Variants in KCNB2 observed in about 807,000 individuals in gnomAD.
KCNB2 encodes potassium voltage-gated channel subfamily B member 2.
Under a neutral mutation model 61.5 loss-of-function variants are expected in KCNB2, and 15 were observed. That is an observed-to-expected ratio of 0.24 (90% CI 0.16 to 0.38). The LOEUF is 0.38. KCNB2 is among the 10% of genes least tolerant of loss of function. The pLI is 1.00. For missense variants in KCNB2, 828 were observed against 1,125.2 expected (o/e 0.74, Z 3.78); for synonymous variants, 457 against 446.0 (o/e 1.02, Z -0.31).
intron 1 of KCNB2, among the ~76,000 whole-genome samples, chr8:72,561,691 T>TTTTTTA (rs1554576093): frequency 5.2e-5 from 1 of 19,406 alleles, no homozygotes; most frequent in Admixed American, 8.8e-4. Flanking sequence ...GATCTTACTT[T>TTTTTTA]TATATATATA....
At chr8:72,835,243 C>T (rs1022930197) in intron 2 of KCNB2, among the ~76,000 whole-genome samples, 3 of 152,146 alleles carry the variant, frequency 2.0e-5, no homozygotes, top group African/African-American at 7.2e-5. Context: ...ATTTCATCTA[C>T]AAATAATGAT....
chr8:72,800,884 C>T (rs1416277164), intron 2 of KCNB2, among the ~76,000 whole-genome samples: 1 of 152,090 alleles, frequency 6.6e-6, no homozygotes, highest in Non-Finnish European at 1.5e-5. Flanking sequence ...AGAAGAATAC[C>T]AACTAAGTTA....
chr8:72,843,723 T>C (rs1809936037), intron 2 of KCNB2, among the ~76,000 whole-genome samples: 1 of 152,182 alleles, frequency 6.6e-6, no homozygotes, highest in South Asian at 2.1e-4. Flanking sequence ...TCTTTGTTGG[T>C]TTAATGTCTG....
At chr8:72,613,879 A>T (rs973627075) in intron 2 of KCNB2, among the ~76,000 whole-genome samples, 1 of 152,170 alleles carries the variant, frequency 6.6e-6, no homozygotes, top group African/African-American at 2.4e-5. Context: ...GAATTTCTTG[A>T]GCTCTTGCAG....
intron 2 of KCNB2, among the ~76,000 whole-genome samples, chr8:72,703,140 T>A (rs1437091937): frequency 6.6e-6 from 1 of 152,232 alleles, no homozygotes; most frequent in African/African-American, 2.4e-5. Context: ...AAAGGCCTTT[T>A]CTTTTCCTAG....
At chr8:72,885,167 T>G (rs1805782256) in intron 2 of KCNB2, among the ~76,000 whole-genome samples, 1 of 152,124 alleles carries the variant, frequency 6.6e-6, no homozygotes, top group Non-Finnish European at 1.5e-5. Flanking sequence ...AATATTAAAC[T>G]ATGCTTGCAT....
intron 2 of KCNB2, among the ~76,000 whole-genome samples, chr8:72,569,559 C>T (rs959880798): frequency 6.6e-6 from 1 of 152,024 alleles, no homozygotes; most frequent in African/African-American, 2.4e-5. Flanking sequence ...CAAAGAAATG[C>T]ATATTTCGTG....
chr8:72,728,670 A>T (rs1377770135), intron 2 of KCNB2, among the ~76,000 whole-genome samples: 1 of 152,154 alleles, frequency 6.6e-6, no homozygotes, highest in Non-Finnish European at 1.5e-5. Flanking sequence ...GCTGCACCTA[A>T]ATTAATAATT....
intron 1 of KCNB2, among the ~76,000 whole-genome samples, chr8:72,553,028 A>G (rs1358236921): frequency 6.6e-6 from 1 of 151,984 alleles, no homozygotes; most frequent in Non-Finnish European, 1.5e-5. Flanking sequence ...GCTTATTTCT[A>G]TAAGCTGTTT....
At chr8:72,760,844 C>T (rs1808366309) in intron 2 of KCNB2, among the ~76,000 whole-genome samples, 1 of 152,068 alleles carries the variant, frequency 6.6e-6, no homozygotes. Flanking sequence ...TTGGGGAGAA[C>T]AGTAATTTCC....
At chr8:72,597,583 A>G (rs566297153) in intron 2 of KCNB2, among the ~76,000 whole-genome samples, 2 of 152,346 alleles carry the variant, frequency 1.3e-5, no homozygotes, top group South Asian at 2.1e-4. Flanking sequence ...CTTCAAATCT[A>G]TCCCAACTTC....
rs541561240 is a variant in KCNB2 at position 72,588,914 on chromosome 8, A to C, written c.579+20601A>C. The stretch of plus-strand genomic sequence containing the variant: ...CCATCTCAAAAACAAGAACAACAAC[A>C]AAGCAACAAAAAAAGAAACATGCCC... On this transcript the variant is annotated intron_variant, in intron 2 of 2. Coordinates refer to ENST00000523207, the MANE Select transcript of KCNB2 (RefSeq NM_004770.3). 7.2e-5 allele frequency among the ~76,000 whole-genome samples: 11 copies of C among 152,150 alleles called. No homozygotes were observed. In the East Asian group the frequency reaches 1.7e-3, roughly 24 times the overall value.
At chr8:72,893,228 C>T (rs1462547533) in intron 2 of KCNB2, among the ~76,000 whole-genome samples, 1 of 151,966 alleles carries the variant, frequency 6.6e-6, no homozygotes, top group Non-Finnish European at 1.5e-5. Flanking sequence ...AAAAATCACA[C>T]TCGTCAGTTT....
intron 1 of KCNB2, among the ~76,000 whole-genome samples, chr8:72,545,347 T>C (rs1046898233): frequency 9.9e-5 from 15 of 152,212 alleles, no homozygotes; most frequent in African/African-American, 3.4e-4. Context: ...GTGGCAACCC[T>C]GCATCACGCA....
chr8:72,736,233 A>G (rs1435398059), intron 2 of KCNB2, among the ~76,000 whole-genome samples: 1 of 152,096 alleles, frequency 6.6e-6, no homozygotes, highest in East Asian at 1.9e-4. Context: ...CATATTATAC[A>G]AATTCAATAT....
intron 2 of KCNB2, among the ~76,000 whole-genome samples, chr8:72,587,135 A>G (rs1412747455): frequency 6.6e-6 from 1 of 152,198 alleles, no homozygotes; most frequent in Non-Finnish European, 1.5e-5. Flanking sequence ...GATAGTGCAG[A>G]AATAACAAAT....
chr8:72,781,155 T>C (rs1271386882), intron 2 of KCNB2, among the ~76,000 whole-genome samples: 1 of 152,098 alleles, frequency 6.6e-6, no homozygotes, highest in African/African-American at 2.4e-5. Flanking sequence ...TTTTCTCCCA[T>C]TCTGTAGGTT....
intron 2 of KCNB2, among the ~76,000 whole-genome samples, chr8:72,664,529 C>G (rs1001727273): frequency 2.0e-5 from 3 of 152,198 alleles, no homozygotes; most frequent in African/African-American, 7.2e-5. Flanking sequence ...AAATAAAACC[C>G]TTTTATGTTA....
At chr8:72,777,909 C>G (rs1017412205) in intron 2 of KCNB2, among the ~76,000 whole-genome samples, 3 of 152,228 alleles carry the variant, frequency 2.0e-5, no homozygotes, top group Admixed American at 1.3e-4. Flanking sequence ...AGGAAAAATC[C>G]AGTACTGGAT....
Sources: allele counts gnomAD v4.1 joint callset (sites outside exome capture counted in the v4.1 genomes callset), GRCh38; gene constraint gnomAD v4.1.1; transcripts MANE v1.5; gene names NCBI Gene and HGNC (gene_info 2026-07-23, HGNC 2026-07-21).